FGF14: variants seen among roughly 807,000 people sequenced by gnomAD.
FGF14 encodes fibroblast growth factor 14.
A neutral mutation model predicts 25.5 loss-of-function variants in FGF14; 5 were observed. The ratio of observed to expected loss-of-function variants is 0.20; its 90% CI spans 0.10 to 0.41. FGF14 has a LOEUF of 0.41. Ranked by LOEUF, FGF14 falls within the 10% of genes least tolerant of loss-of-function variation. The pLI, the probability that FGF14 is intolerant of heterozygous loss-of-function variation, is 1.00. For missense variants in FGF14, 222 were observed against 320.1 expected, an observed-to-expected ratio of 0.69 and a Z score of 2.34; for synonymous variants, 138 against 118.3, an observed-to-expected ratio of 1.17 and a Z score of -1.08.
intron 1 of FGF14, among the ~76,000 whole-genome samples, chr13:102,158,763 A>C (rs557250418): frequency 3.4e-4 from 51 of 152,192 alleles, no homozygotes; most frequent in Non-Finnish European, 6.8e-4. Context: ...TAATTTTTGC[A>C]CTGTGAAATC....
chr13:101,993,308 A>C (rs992333069), intron 1 of FGF14, among the ~76,000 whole-genome samples: 1 of 152,052 alleles, frequency 6.6e-6, no homozygotes, highest in East Asian at 1.9e-4. Flanking sequence ...CAAAACAAGG[A>C]AATTTTTTTG....
chr13:101,974,718 C>T (rs1265229256), intron 1 of FGF14, among the ~76,000 whole-genome samples: 1 of 152,064 alleles, frequency 6.6e-6, no homozygotes, highest in African/African-American at 2.4e-5. Flanking sequence ...AGTTAAAAAA[C>T]AATCTCACGG....
intron 1 of FGF14, among the ~76,000 whole-genome samples, chr13:102,154,734 G>A (rs1051338958): frequency 6.6e-6 from 1 of 152,018 alleles, no homozygotes; most frequent in Non-Finnish European, 1.5e-5. Context: ...ATTGGATAAA[G>A]AGTCAAGACC....
At chr13:101,815,244 G>A (rs1286289922) in intron 3 of FGF14, among the ~76,000 whole-genome samples, 1 of 152,198 alleles carries the variant, frequency 6.6e-6, no homozygotes, top group Non-Finnish European at 1.5e-5. Flanking sequence ...GAGGAGTGAA[G>A]TGGAGGGTGG....
chr13:102,292,801 G>C (rs150496512), intron 1 of FGF14: 3 of 152,306 alleles, frequency 2.0e-5, no homozygotes, highest in Non-Finnish European at 2.9e-5. Flanking sequence ...TGGCTTGGGC[G>C]TGTCTTCTGA....
At chr13:102,198,998 C>T (rs987827171) in intron 1 of FGF14, among the ~76,000 whole-genome samples, 4 of 152,172 alleles carry the variant, frequency 2.6e-5, no homozygotes, top group African/African-American at 4.8e-5. Context: ...AATGATGATG[C>T]AGGTCTTGAA....
intron 1 of FGF14, among the ~76,000 whole-genome samples, chr13:102,316,785 C>T (rs1428599699): frequency 2.0e-5 from 3 of 152,082 alleles, no homozygotes; most frequent in Non-Finnish European, 4.4e-5. Context: ...ATATTAACTC[C>T]TTTTTGCACG....
At chr13:102,378,272 A>T (rs1216969559) in intron 1 of FGF14, among the ~76,000 whole-genome samples, 2 of 152,170 alleles carry the variant, frequency 1.3e-5, no homozygotes, top group African/African-American at 4.8e-5. Flanking sequence ...TATATTGGTA[A>T]TGGAGAGGTG....
chr13:101,942,624 C>T (rs1183855394), intron 1 of FGF14, among the ~76,000 whole-genome samples: 2 of 152,200 alleles, frequency 1.3e-5, no homozygotes, highest in Non-Finnish European at 2.9e-5. Flanking sequence ...TGGTCCGCAT[C>T]AGTTCTGGCT....
chr13:101,862,159 G>A (rs186497621), intron 3 of FGF14, among the ~76,000 whole-genome samples: 71 of 152,164 alleles, frequency 4.7e-4, no homozygotes, highest in African/African-American at 1.5e-3. Context: ...GAGTCAGGTG[G>A]ATTCCAGGAA....
chr13:101,786,799 T>G (rs1332230843), intron 3 of FGF14, among the ~76,000 whole-genome samples: 1 of 152,208 alleles, frequency 6.6e-6, no homozygotes, highest in Non-Finnish European at 1.5e-5. Context: ...ATCATCTGAT[T>G]CTTGTGTATT....
At chr13:101,963,676 G>T (rs115080335) in intron 1 of FGF14, among the ~76,000 whole-genome samples, 2,541 of 152,260 alleles carry the variant, frequency 0.017, 71 homozygotes, top group African/African-American at 0.058. Flanking sequence ...GGATAAACTT[G>T]TTAGTAGCCA....
At chr13:101,947,452 G>T (rs1277560986) in intron 1 of FGF14, among the ~76,000 whole-genome samples, 1 of 150,634 alleles carries the variant, frequency 6.6e-6, no homozygotes, top group Non-Finnish European at 1.5e-5. Context: ...ATCAATAATG[G>T]ATTGGATTAG....
chr13:102,393,476 T>C (rs1038317489), intron 1 of FGF14, among the ~76,000 whole-genome samples: 2 of 152,204 alleles, frequency 1.3e-5, no homozygotes, highest in Non-Finnish European at 1.5e-5. Context: ...ATAATCTTTT[T>C]CAACTTCTTA....
intron 1 of FGF14, among the ~76,000 whole-genome samples, chr13:102,048,720 G>A (rs899848455): frequency 2.6e-5 from 4 of 152,164 alleles, no homozygotes; most frequent in Admixed American, 2.6e-4. Context: ...ACATTCCCAG[G>A]GGAAGAATGA....
In FGF14 at chr13:101,806,721, A is replaced by C. The variant is rs2041227015; in HGVS notation, c.408+62004T>G. On this transcript the variant is annotated intron_variant, in intron 3 of 4. Coordinates refer to ENST00000376143, the MANE Select transcript of FGF14 (RefSeq NM_004115.4). ...AATGTTATTTAATTTGCCTGTATCA[A>C]AGTATTAAAAATAAAACTAGCTGGA... Among the ~76,000 whole-genome samples the C allele has an allele frequency of 2.0e-5, 3 of 152,156 alleles. No homozygotes were observed. In the South Asian group the frequency reaches 6.2e-4, roughly 31 times the overall value.
intron 1 of FGF14, among the ~76,000 whole-genome samples, chr13:102,388,588 G>A (rs190458141): frequency 1.2e-4 from 19 of 152,250 alleles, no homozygotes; most frequent in African/African-American, 3.4e-4. Context: ...ATTTCTCAAC[G>A]TATGCCTTCG....
intron 1 of FGF14, among the ~76,000 whole-genome samples, chr13:102,000,242 C>T (rs565922796): frequency 6.6e-6 from 1 of 152,306 alleles, no homozygotes; most frequent in African/African-American, 2.4e-5. Flanking sequence ...TGGCTTGAAC[C>T]TGGGAGGCGG....
intron 1 of FGF14, among the ~76,000 whole-genome samples, chr13:102,314,387 T>C (rs900584019): frequency 6.6e-6 from 1 of 152,200 alleles, no homozygotes; most frequent in African/African-American, 2.4e-5. Context: ...CTTCTGAATA[T>C]GTCCTCAATC....
Sources: gnomAD v4.1 joint callset for allele counts (sites outside exome capture counted in the v4.1 genomes callset) on GRCh38, gnomAD v4.1.1 for gene constraint, MANE v1.5 for transcripts, NCBI Gene and HGNC (gene_info 2026-07-23, HGNC 2026-07-21) for gene names.